Variants in NRXN1 observed in about 807,000 individuals in gnomAD.
NRXN1 encodes neurexin 1, also known as neurexin-1.
In NRXN1, 39 loss-of-function variants were observed where a neutral mutation model predicts 150.9. That is an observed-to-expected ratio of 0.26 (90% CI 0.20 to 0.34). The LOEUF is 0.34. Among genes scored for constraint, NRXN1 ranks in the 10% least tolerant of loss-of-function variants. The pLI, the probability that NRXN1 is intolerant of heterozygous loss-of-function variation, is 1.00. For synonymous variants in NRXN1, 924 were observed against 757.0 expected (o/e 1.22, Z -3.62); for missense variants, 1,815 against 1,949.9 (o/e 0.93, Z 1.30).
chr2:50,675,178 G>C (rs762698239), intron 5 of NRXN1, among the ~76,000 whole-genome samples: 12 of 152,076 alleles, frequency 7.9e-5, no homozygotes, highest in Non-Finnish European at 1.6e-4. Flanking sequence ...GCTGAAGTGT[G>C]AGCCAAATAA....
intron 2 of NRXN1, among the ~76,000 whole-genome samples, chr2:50,997,907 G>A (rs1254769657): frequency 7.1e-6 from 1 of 141,396 alleles, no homozygotes; most frequent in Non-Finnish European, 1.5e-5. Context: ...GTGGATTGAT[G>A]ATACACTGGT....
chr2:49,995,608 C>T (rs1463564861), intron 21 of NRXN1, among the ~76,000 whole-genome samples: 1 of 151,446 alleles, frequency 6.6e-6, no homozygotes, highest in South Asian at 2.1e-4. Flanking sequence ...GGTGAAACCC[C>T]GCCTCTACTA....
At chr2:50,941,864 T>A (rs191669052) in intron 2 of NRXN1, among the ~76,000 whole-genome samples, 1 of 152,232 alleles carries the variant, frequency 6.6e-6, no homozygotes, top group East Asian at 1.9e-4. Flanking sequence ...GAAATTTGCA[T>A]AACTAAAGAG....
intron 21 of NRXN1, among the ~76,000 whole-genome samples, chr2:50,011,149 T>C (rs979334341): frequency 6.6e-6 from 1 of 152,198 alleles, no homozygotes; most frequent in African/African-American, 2.4e-5. Context: ...CTATGAGACC[T>C]GATATAGTTC....
Position 50,620,045 on chromosome 2 carries a change from T to G in NRXN1, c.1297A>C (p.Asn433His), listed in dbSNP as rs200149265. The G allele has an allele frequency of 6.2e-7, 1 of 1,608,358 alleles. No homozygotes were observed. Among genetic ancestry groups the G allele is most frequent in the Non-Finnish European group, 8.5e-7 (1 of 1,176,996 alleles). ...ADLPGSPVSN[N>H]FMGCLKEVVY... ...ACCTCTTTGAGACAGCCCATAAAGTTGTTACTGACTGGTGACCCTGGAAGG... is the reference window on the plus strand; with the variant it reads ...ACCTCTTTGAGACAGCCCATAAAGTGGTTACTGACTGGTGACCCTGGAAGG... The change falls in exon 8 of 23, where the codon AAC (asparagine) becomes CAC (histidine). Residue 433 changes from asparagine (N) to histidine (H), a missense_variant. Transcript: ENST00000401669.
chr2:50,352,709 G>C (rs962466202), intron 17 of NRXN1, among the ~76,000 whole-genome samples: 3 of 149,890 alleles, frequency 2.0e-5, no homozygotes, highest in African/African-American at 7.4e-5. Flanking sequence ...CTGGATTATT[G>C]CAGGTCCCTA....
intron 5 of NRXN1, among the ~76,000 whole-genome samples, chr2:50,651,911 T>C (rs1685694560): frequency 6.6e-6 from 1 of 152,018 alleles, no homozygotes; most frequent in East Asian, 1.9e-4. Flanking sequence ...CCTAACACTC[T>C]ATGAATAATG....
chr2:50,143,207 A>G (rs538965852), intron 18 of NRXN1, among the ~76,000 whole-genome samples: 3 of 151,700 alleles, frequency 2.0e-5, no homozygotes, highest in Non-Finnish European at 4.4e-5. Flanking sequence ...ATGAGGAAAT[A>G]AAGAAGAAAA....
chr2:50,575,612 T>C (rs1176704625), intron 8 of NRXN1, among the ~76,000 whole-genome samples: 3 of 152,180 alleles, frequency 2.0e-5, no homozygotes, highest in African/African-American at 4.8e-5. Flanking sequence ...ACTAGCAATT[T>C]ACAAATTCTA....
chr2:50,697,404 A>G (rs940190295), intron 5 of NRXN1, among the ~76,000 whole-genome samples: 27 of 152,194 alleles, frequency 1.8e-4, no homozygotes, highest in African/African-American at 6.5e-4. Context: ...AGACCTTGAA[A>G]TACTGGAGCA....
At chr2:50,904,775 T>C (rs1035133519) in intron 5 of NRXN1, among the ~76,000 whole-genome samples, 1 of 152,140 alleles carries the variant, frequency 6.6e-6, no homozygotes, top group African/African-American at 2.4e-5. Flanking sequence ...ATAATCTCTA[T>C]CCTGAGAACC....
intron 18 of NRXN1, among the ~76,000 whole-genome samples, chr2:50,101,059 G>C (rs116626257): frequency 1.3e-5 from 2 of 152,028 alleles, no homozygotes; most frequent in South Asian, 2.1e-4. Flanking sequence ...CTTTTCCAAA[G>C]TGTAATGAGC....
intron 2 of NRXN1, among the ~76,000 whole-genome samples, chr2:50,995,602 C>CAAA (rs34952996): frequency 4.2e-5 from 3 of 71,866 alleles, no homozygotes; most frequent in Admixed American, 1.5e-4. Flanking sequence ...TAGACTCTGT[C>CAAA]AAAAAAAAAA....
intron 21 of NRXN1, among the ~76,000 whole-genome samples, chr2:50,051,649 T>A (rs1692727391): frequency 6.6e-6 from 1 of 152,086 alleles, no homozygotes; most frequent in Non-Finnish European, 1.5e-5. Context: ...CAAGTCTTTA[T>A]CCAAGGAACT....
intron 2 of NRXN1, among the ~76,000 whole-genome samples, chr2:51,016,865 C>G (rs971289611): frequency 2.0e-5 from 3 of 152,082 alleles, no homozygotes; most frequent in African/African-American, 7.2e-5. Flanking sequence ...AAATGCCCAT[C>G]AATGATAGAC....
At chr2:50,686,226 T>A (rs565087820) in intron 5 of NRXN1, among the ~76,000 whole-genome samples, 1 of 152,112 alleles carries the variant, frequency 6.6e-6, no homozygotes, top group Non-Finnish European at 1.5e-5. Context: ...GATGGCAGAG[T>A]GTTTTATTTG....
chr2:50,747,688 T>C (rs899332584), intron 5 of NRXN1, among the ~76,000 whole-genome samples: 1 of 152,132 alleles, frequency 6.6e-6, no homozygotes, highest in Non-Finnish European at 1.5e-5. Flanking sequence ...TCTAATTCAT[T>C]AATCAAGAAC....
At chr2:50,804,939 AAGC>A (rs1667317460) in intron 5 of NRXN1, among the ~76,000 whole-genome samples, 1 of 152,178 alleles carries the variant, frequency 6.6e-6, no homozygotes, top group Non-Finnish European at 1.5e-5. Context: ...ATGTAAGAAG[AAGC>A]AGTACAGTAT....
intron 5 of NRXN1, among the ~76,000 whole-genome samples, chr2:50,795,127 G>A (rs940804201): frequency 1.6e-4 from 25 of 152,042 alleles, no homozygotes; most frequent in African/African-American, 6.0e-4. Context: ...CCTTACATCT[G>A]GGACCTGTAG....
Sources: gnomAD v4.1 joint callset for allele counts (sites outside exome capture counted in the v4.1 genomes callset) on GRCh38, gnomAD v4.1.1 for gene constraint, MANE v1.5 for transcripts, NCBI Gene and HGNC (gene_info 2026-07-23, HGNC 2026-07-21) for gene names.